Variants in NFIB observed in about 807,000 individuals in gnomAD.
NFIB encodes the protein nuclear factor I B.
In NFIB, 11 loss-of-function variants were observed where a neutral mutation model predicts 61.5. That is an observed-to-expected ratio of 0.18 (90% CI 0.11 to 0.30). The LOEUF (loss-of-function observed/expected upper bound fraction) is 0.30. NFIB is among the 10% of genes least tolerant of loss of function. The pLI is 1.00. For missense variants in NFIB, 471 were observed against 608.9 expected, an observed-to-expected ratio of 0.77 and a Z score of 2.38; for synonymous variants, 260 against 216.5, an observed-to-expected ratio of 1.20 and a Z score of -1.76.
At chr9:14,129,101 A>C (rs943605877) in intron 6 of NFIB, among the ~76,000 whole-genome samples, 1 of 152,156 alleles carries the variant, frequency 6.6e-6, no homozygotes, top group African/African-American at 2.4e-5. Flanking sequence ...AAGAAACAGA[A>C]TACAATTTGC....
chr9:14,346,097 C>G (rs2061014800), intron 1 of NFIB, among the ~76,000 whole-genome samples: 1 of 152,148 alleles, frequency 6.6e-6, no homozygotes, highest in Non-Finnish European at 1.5e-5. Context: ...GGGACCTGTG[C>G]TAAGCCACGG....
chr9:14,511,754 G>A, the NFIB span, among the ~76,000 whole-genome samples: 5 of 152,246 alleles, frequency 3.3e-5, no homozygotes, highest in East Asian at 9.6e-4. Context: ...TACTTGATCT[G>A]TCTGATTGAT....
At chr9:14,306,884 A>G in intron 2 of NFIB, 105 bp downstream of exon 2, 2 of 1,371,824 alleles carry the variant, frequency 1.5e-6, no homozygotes, top group Admixed American at 1.9e-5. Flanking sequence ...AGGGTGGAGG[A>G]TATCTAGGGG....
chr9:14,406,716 C>T, the NFIB span, among the ~76,000 whole-genome samples: 3 of 152,154 alleles, frequency 2.0e-5, no homozygotes, highest in African/African-American at 7.2e-5. Context: ...GAGGCTGCTT[C>T]CAGTCTTGAC....
At chr9:14,172,967 A>C (rs2045739534) in intron 3 of NFIB, among the ~76,000 whole-genome samples, 1 of 152,036 alleles carries the variant, frequency 6.6e-6, no homozygotes, top group African/African-American at 2.4e-5. Flanking sequence ...ACGGGGTTTC[A>C]CTATGTTGGC....
In NFIB at chr9:14,163,668, G is replaced by C. The variant is rs552759249; in HGVS notation, c.617-7775C>G. Among the ~76,000 whole-genome samples, 230 of 151,928 alleles carry C rather than the reference G, an allele frequency of 1.5e-3. 1 individual carries two copies. Among genetic ancestry groups the C allele is most frequent in the Non-Finnish European group, 2.2e-3 (149 of 67,894 alleles). On this transcript the variant is annotated intron_variant, in intron 3 of 10. Coordinates refer to ENST00000380953, the MANE Select transcript of NFIB (RefSeq NM_001190737.2). ...TTTATAAAAAATAAAGTCACAGTGA[G>C]AATTTTTACTATTAATGTATCTTTT...
chr9:14,136,904 G>C (rs2041109667), intron 6 of NFIB, among the ~76,000 whole-genome samples: 1 of 152,086 alleles, frequency 6.6e-6, no homozygotes, highest in Non-Finnish European at 1.5e-5. Context: ...ATAAATTGTA[G>C]TGTTTAAGTT....
chr9:14,389,425 C>A (rs1460336115), intron 1 of NFIB, among the ~76,000 whole-genome samples: 1 of 152,062 alleles, frequency 6.6e-6, no homozygotes, highest in Admixed American at 6.6e-5. Context: ...TTAAATAGAT[C>A]CATATGCTTA....
chr9:14,416,892 C>CTTTTTTTTTTTTTTTT, the NFIB span, among the ~76,000 whole-genome samples: 3 of 126,938 alleles, frequency 2.4e-5, no homozygotes, highest in African/African-American at 1.0e-4. Flanking sequence ...ACTATTTTTA[C>CTTTTTTTTTTTTTTTT]TTTTTTTTTT....
At chr9:14,452,431 G>A in the NFIB span, among the ~76,000 whole-genome samples, 1 of 121,438 alleles carries the variant, frequency 8.2e-6, no homozygotes, top group African/African-American at 3.4e-5. Context: ...AAGGGAGGGA[G>A]GGAGGGGAAG....
At chr9:14,377,049 C>T (rs1284520717) in intron 1 of NFIB, among the ~76,000 whole-genome samples, 2 of 152,154 alleles carry the variant, frequency 1.3e-5, no homozygotes, top group Admixed American at 6.5e-5. Flanking sequence ...ACCCCAAATT[C>T]TGAGATTCTT....
At chr9:14,127,227 G>A (rs1422149302) in intron 6 of NFIB, among the ~76,000 whole-genome samples, 2 of 152,330 alleles carry the variant, frequency 1.3e-5, no homozygotes, top group South Asian at 2.1e-4. Context: ...GTTGGAATAA[G>A]CAGGGAGTTG....
intron 2 of NFIB, among the ~76,000 whole-genome samples, chr9:14,237,788 G>C (rs1223223981): frequency 1.9e-5 from 2 of 106,292 alleles, no homozygotes; most frequent in African/African-American, 5.6e-5. Flanking sequence ...GTGTGTGTGT[G>C]TGTGTGTGTG....
intron 6 of NFIB, among the ~76,000 whole-genome samples, chr9:14,144,728 CA>C (rs1290139194): frequency 6.6e-6 from 1 of 152,102 alleles, no homozygotes; most frequent in East Asian, 1.9e-4. Flanking sequence ...TGGGTGTTGA[CA>C]GAGAAAACTA....
intron 2 of NFIB, among the ~76,000 whole-genome samples, chr9:14,244,348 T>C (rs1478131499): frequency 6.6e-6 from 1 of 152,210 alleles, no homozygotes; most frequent in African/African-American, 2.4e-5. Context: ...AGTTAAAATA[T>C]ATACCATATA....
chr9:14,120,118 C>T lies in NFIB; in HGVS notation c.1245+322G>A, dbSNP rs1161608522. 6.6e-6 allele frequency among the ~76,000 whole-genome samples: 1 copy of T among 152,174 alleles called. No homozygotes were observed. The highest frequency in any genetic ancestry group is 1.9e-4 in the East Asian group (1 of 5,190). On this transcript the variant is annotated intron_variant, in intron 8 of 10. Coordinates refer to ENST00000380953, the MANE Select transcript of NFIB (RefSeq NM_001190737.2). The surrounding 1 kb of genome is among the most constrained non-coding windows in gnomAD (Gnocchi z 4.4). ...TGAAATAAGCACATTGTCTCTGTGT[C>T]AAACCAGGTATTTAAGAGGTGTGAA...
chr9:14,246,516 A>G (rs2054946018), intron 2 of NFIB, among the ~76,000 whole-genome samples: 1 of 152,202 alleles, frequency 6.6e-6, no homozygotes, highest in Non-Finnish European at 1.5e-5. Context: ...CTGAGCCTTC[A>G]GTCCCTTTGT....
At chr9:14,349,094 ACT>A (rs2061072498) in intron 1 of NFIB, among the ~76,000 whole-genome samples, 1 of 152,102 alleles carries the variant, frequency 6.6e-6, no homozygotes, top group Admixed American at 6.5e-5. Flanking sequence ...GAGGGAAATC[ACT>A]CTCTGCTCTT....
chr9:14,314,972 G>C (rs999242963), upstream of NFIB, among the ~76,000 whole-genome samples: 5 of 151,892 alleles, frequency 3.3e-5, no homozygotes, highest in Admixed American at 1.3e-4. Flanking sequence ...AGAAAGGAAC[G>C]AGTGGAAAAT....
Sources: gnomAD v4.1 joint callset for allele counts (sites outside exome capture counted in the v4.1 genomes callset) on GRCh38, gnomAD v4.1.1 for gene constraint, Gnocchi (gnomAD v3.1) non-coding constraint, MANE v1.5 for transcripts, NCBI Gene and HGNC (gene_info 2026-07-23, HGNC 2026-07-21) for gene names.